The following DST variants were observed in gnomAD, a reference collection of about 807,000 sequenced individuals.
DST encodes the protein bullous pemphigoid antigen.
A neutral mutation model predicts 875.2 loss-of-function variants in DST; 253 were observed. The observed-to-expected ratio is 0.29, with a 90% confidence interval of 0.26 to 0.32. DST has a LOEUF of 0.32. DST is among the 10% of genes least tolerant of loss of function. The pLI is 1.00. For synonymous variants in DST, 3,124 were observed against 3,197.1 expected (o/e 0.98, Z 0.77); for missense variants, 8,287 against 9,111.6 (o/e 0.91, Z 3.68).
rs1461825447 is a variant in DST at position 56,603,580 on chromosome 6, T to C, written c.10925A>G (p.Gln3642Arg). 1.9e-6 allele frequency: 3 copies of C among 1,608,710 alleles called. No homozygotes were observed. The highest frequency in any genetic ancestry group is 1.7e-5 in the Admixed American group (1 of 59,328). Residue 3642 changes from glutamine to arginine, a missense_variant, in exon 41 of 104, where the codon CAA becomes CGA. This residue lies in a region of DST where 3,138 missense variants were observed against 3,116.6 expected (regional missense o/e 1.01). Transcript: ENST00000680361. ...LDNNLEALKN[Q>R]LRQLETFELG... is the part of the protein sequence containing the mutation. ...AATTCTTACCTCCAACTGTCTAAGT[T>C]GATTCTTCAAAGCTTCCAAGTTGTT...
intron 2 of DST, among the ~76,000 whole-genome samples, chr6:56,918,430 T>C (rs1255233024): frequency 6.6e-6 from 1 of 152,132 alleles, no homozygotes; most frequent in Non-Finnish European, 1.5e-5. Flanking sequence ...CCCTCTTTTT[T>C]ACAACTGAAT....
chr6:56,788,202 GTTC>G (rs1224911214), intron 4 of DST, among the ~76,000 whole-genome samples: 30 of 143,482 alleles, frequency 2.1e-4, no homozygotes, highest in Non-Finnish European at 3.6e-4. Flanking sequence ...AAAGTATTAA[GTTC>G]TTCTTTTTTT....
intron 4 of DST, among the ~76,000 whole-genome samples, chr6:56,805,863 T>G (rs541667184): frequency 6.6e-6 from 1 of 152,348 alleles, no homozygotes; most frequent in Non-Finnish European, 1.5e-5. Context: ...CAGAAAGGAA[T>G]AGAATATTTA....
At chr6:56,936,783 C>T (rs1489486378) in intron 2 of DST, among the ~76,000 whole-genome samples, 4 of 151,346 alleles carry the variant, frequency 2.6e-5, no homozygotes, top group Admixed American at 6.6e-5. Flanking sequence ...AAGAGAATAC[C>T]AGAAACAACT....
intron 60 of DST, among the ~76,000 whole-genome samples, chr6:56,554,243 C>T (rs1356895604): frequency 6.6e-6 from 1 of 151,794 alleles, no homozygotes; most frequent in Non-Finnish European, 1.5e-5. Flanking sequence ...CGCCACCACG[C>T]CCGGCTAATT....
intron 4 of DST, among the ~76,000 whole-genome samples, chr6:56,780,901 G>C (rs534103383): frequency 7.2e-4 from 110 of 152,274 alleles, no homozygotes; most frequent in Non-Finnish European, 1.4e-3. Context: ...ATTAATTTTT[G>C]TATAAGGTAT....
chr6:56,918,870 G>A (rs1802661682), intron 2 of DST, among the ~76,000 whole-genome samples: 1 of 152,118 alleles, frequency 6.6e-6, no homozygotes, highest in Non-Finnish European at 1.5e-5. Context: ...CTCCAGCCTG[G>A]GTGACGGAGT....
chr6:56,941,625 G>A (rs1052869694), intron 2 of DST, among the ~76,000 whole-genome samples: 3 of 152,166 alleles, frequency 2.0e-5, no homozygotes, highest in African/African-American at 7.2e-5. Flanking sequence ...TGGGACTACA[G>A]TGCATGCCAC....
At chr6:56,782,838 C>G (rs1282936730) in intron 4 of DST, among the ~76,000 whole-genome samples, 1 of 152,022 alleles carries the variant, frequency 6.6e-6, no homozygotes, top group African/African-American at 2.4e-5. Flanking sequence ...TTGGATCTTT[C>G]CTGCTTTCTC....
chr6:56,516,271 G>A (rs1220537351), intron 71 of DST, among the ~76,000 whole-genome samples: 1 of 152,088 alleles, frequency 6.6e-6, no homozygotes, highest in Non-Finnish European at 1.5e-5. Flanking sequence ...GGTAGTCACA[G>A]TGATCTAGAT....
Position 56,762,980 on chromosome 6 carries a change from A to G in DST, c.626-27691T>C, listed in dbSNP as rs563643926. ...ATTCTCCTACCTCAGCTTCCCGAGT[A>G]GCTGGGATTAAAGCCATGTGCCACC... On this transcript the variant is annotated intron_variant, in intron 4 of 103. Coordinates refer to ENST00000680361, the MANE Select transcript of DST (RefSeq NM_001374736.1). Among the ~76,000 whole-genome samples the G allele has an allele frequency of 4.0e-5, 6 of 151,250 alleles. No individual in the cohort carries two copies. In the East Asian group the frequency reaches 1.2e-3, roughly 30 times the overall value.
chr6:56,599,930 AAGCCCAGGGC>A, intron 45 of DST, 129 bp downstream of exon 45: 1 of 688,710 alleles, frequency 1.5e-6, no homozygotes, highest in Non-Finnish European at 2.2e-6. Context: ...TTTAAAGCTC[AAGCCCAGGGC>A]GTCTTGGGTA....
chr6:56,710,286 C>T (rs2099358056), intron 5 of DST, among the ~76,000 whole-genome samples: 1 of 152,140 alleles, frequency 6.6e-6, no homozygotes, highest in South Asian at 2.1e-4. Flanking sequence ...GGGAGCAAAA[C>T]ATCAGCCACA....
intron 5 of DST, among the ~76,000 whole-genome samples, chr6:56,732,430 TCTAA>T (rs2099504100): frequency 6.6e-6 from 1 of 152,210 alleles, no homozygotes; most frequent in Admixed American, 6.5e-5. Context: ...CTTTTGTGTT[TCTAA>T]CTGATTTTCC....
intron 4 of DST, among the ~76,000 whole-genome samples, chr6:56,798,764 A>T (rs2099743364): frequency 6.6e-6 from 1 of 152,200 alleles, no homozygotes; most frequent in Admixed American, 6.5e-5. Context: ...TCACCAAAAA[A>T]TTCACCATTC....
chr6:56,550,371 G>T (rs1378402944), intron 61 of DST, among the ~76,000 whole-genome samples: 1 of 151,986 alleles, frequency 6.6e-6, no homozygotes, highest in African/African-American at 2.4e-5. Context: ...CATGCTAAAT[G>T]GTTTATTTTA....
chr6:56,573,185 A>G, intron 51 of DST, 121 bp from the exon 52 acceptor site: 1 of 833,012 alleles, frequency 1.2e-6, no homozygotes, highest in South Asian at 2.1e-5. Flanking sequence ...AGGAAGGTTA[A>G]CAGTTGAAAC....
chr6:56,701,084 A>ACCCT (rs1257981760), intron 8 of DST, among the ~76,000 whole-genome samples: 7 of 146,984 alleles, frequency 4.8e-5, no homozygotes, highest in Admixed American at 4.1e-4. Context: ...GGCTCAAGTG[A>ACCCT]CCCTCCCGCC....
At chr6:56,504,961 G>C (rs921880703) in intron 77 of DST, among the ~76,000 whole-genome samples, 6 of 152,144 alleles carry the variant, frequency 3.9e-5, no homozygotes, top group Non-Finnish European at 8.8e-5. Context: ...CTGGCCTCAA[G>C]TGATCCTCCC....
Sources: gnomAD v4.1 joint callset for allele counts (sites outside exome capture counted in the v4.1 genomes callset) on GRCh38, gnomAD v4.1.1 for gene constraint, gnomAD v4.1.1 regional missense constraint, MANE v1.5 for transcripts, NCBI Gene and HGNC (gene_info 2026-07-23, HGNC 2026-07-21) for gene names.